The following HABP2 variants were observed in gnomAD, a reference collection of about 807,000 sequenced individuals.
The protein encoded by HABP2 is hyaluronan binding protein 2, also known as factor VII-activating protease.
In HABP2, 65 loss-of-function variants were observed where a neutral mutation model predicts 66.5. The observed-to-expected ratio is 0.98, with a 90% confidence interval of 0.80 to 1.20. The LOEUF (loss-of-function observed/expected upper bound fraction) is 1.20. Among genes scored for constraint, HABP2 ranks in the 50% most tolerant of loss-of-function variants. HABP2 has a pLI of 0.00. For synonymous variants in HABP2, 263 were observed against 253.9 expected, an observed-to-expected ratio of 1.04 and a Z score of -0.34; for missense variants, 786 against 691.0, an observed-to-expected ratio of 1.14 and a Z score of -1.54.
intron 3 of HABP2, 94 bp downstream of exon 3, chr10:113,574,499 C>T: frequency 1.4e-6 from 1 of 689,764 alleles, no homozygotes; most frequent in East Asian, 2.6e-5. Flanking sequence ...CTCCGCCTCT[C>T]TGGCCAGTAT....
chr10:113,586,465 T>TGC (rs1321584535), intron 12 of HABP2, among the ~76,000 whole-genome samples: 6 of 69,180 alleles, frequency 8.7e-5, no homozygotes, highest in African/African-American at 2.8e-4. Context: ...TGTGTGCGTG[T>TGC]GTGTGTGTGT....
intron 1 of HABP2, among the ~76,000 whole-genome samples, chr10:113,566,355 A>T (rs1845197744): frequency 6.6e-6 from 1 of 152,278 alleles, no homozygotes; most frequent in Non-Finnish European, 1.5e-5. Context: ...GCTTGGCCCA[A>T]GGGCCCTTAT....
At chr10:113,570,230 A>G (rs1845280294) in intron 2 of HABP2, 1 of 152,236 alleles carries the variant, frequency 6.6e-6, no homozygotes, top group Admixed American at 6.5e-5. Flanking sequence ...AATAATACCT[A>G]TGCTATAGGG....
intron 12 of HABP2, 129 bp downstream of exon 12, chr10:113,586,067 T>A: frequency 1.3e-6 from 1 of 795,438 alleles, no homozygotes; most frequent in Non-Finnish European, 2.1e-6. Flanking sequence ...AAGACACAGG[T>A]GAGCTGTGTC....
At chr10:113,560,599 G>A (rs1193397969) in intron 1 of HABP2, among the ~76,000 whole-genome samples, 1 of 152,198 alleles carries the variant, frequency 6.6e-6, no homozygotes, top group African/African-American at 2.4e-5. Flanking sequence ...ATTCACAATA[G>A]CCAAAAGGTG....
chr10:113,574,467 G>T, intron 3 of HABP2, 62 bp downstream of exon 3: 1 of 800,942 alleles, frequency 1.2e-6, no homozygotes, highest in Non-Finnish European at 2.2e-6. Flanking sequence ...GTGTATGTGG[G>T]ACCACATGCA....
intron 1 of HABP2, among the ~76,000 whole-genome samples, chr10:113,564,894 T>A (rs1010478550): frequency 2.6e-5 from 4 of 152,074 alleles, no homozygotes; most frequent in Admixed American, 6.5e-5. Context: ...TAGCCCAGGC[T>A]GGAGTGCAGT....
intron 7 of HABP2, 42 bp downstream of exon 7, chr10:113,578,840 T>C: frequency 1.5e-6 from 2 of 1,374,730 alleles, no homozygotes; most frequent in Non-Finnish European, 2.1e-6. Context: ...TTTGGTCACT[T>C]ATTTTAAAAC....
Position 113,578,676 on chromosome 10 carries a change from G to A in HABP2, c.618G>A (p.Met206Ile). The A allele has an allele frequency of 1.2e-6, 2 of 1,612,310 alleles. No individual in the cohort carries two copies. The highest frequency in any genetic ancestry group is 1.1e-5 in the South Asian group (1 of 90,996). ...VGDGYSYRGK[M>I]NRTVNQHACL... ...ATGGCTACTCTTACCGAGGGAAAAT[G>A]AATAGGACAGTCAACCAGCATGCGT... The change falls in exon 7 of 13, where the codon ATG becomes ATA. Residue 206 changes from methionine (M) to isoleucine (I), a missense_variant. Met to Ile is a conservative substitution (Grantham distance 10, BLOSUM62 1). Transcript: ENST00000351270.
Position 113,578,063 on chromosome 10 carries a change from G to T in HABP2, c.486G>T (p.Gly162=). 1 of 1,614,104 alleles carries T rather than the reference G, an allele frequency of 6.2e-7. No homozygotes were observed. Among genetic ancestry groups the T allele is most frequent in the Non-Finnish European group, 8.5e-7 (1 of 1,180,000 alleles). ...GCAGGCCAAACCCCTGCCAGAATGG[G>T]GCTACCTGCTCCCGGCATAAGCGGA... The part of the protein sequence containing the change: ...PVCRPNPCQN[G]ATCSRHKRRS... The change falls in exon 6 of 13, where the codon GGG becomes GGT. Residue 162 remains glycine (G), a synonymous_variant. Coordinates refer to ENST00000351270, the MANE Select transcript of HABP2 (RefSeq NM_004132.5).
chr10:113,573,830 A>C (rs1250592112), intron 2 of HABP2, among the ~76,000 whole-genome samples: 1 of 152,244 alleles, frequency 6.6e-6, no homozygotes, highest in Non-Finnish European at 1.5e-5. Flanking sequence ...ATGAAGTCCC[A>C]TCAAGAAATA....
In HABP2 at chr10:113,580,685, A is replaced by G. The variant is rs771695641; in HGVS notation, c.831A>G (p.Ser277=). Residue 277 remains serine (S), a synonymous_variant, in exon 8 of 13, where the codon TCA becomes TCG. Coordinates refer to ENST00000351270, the MANE Select transcript of HABP2 (RefSeq NM_004132.5). ...AATACTGTGATGTCTCAGCCTGCTCAGCCCAGGGTAAAGGCCATGGCTGTT... is the reference window on the plus strand; with the variant it reads ...AATACTGTGATGTCTCAGCCTGCTCGGCCCAGGGTAAAGGCCATGGCTGTT... ...KWEYCDVSAC[S]AQDVAYPEES... is the part of the protein sequence containing the mutation. 6.4e-7 allele frequency: 1 copy of G among 1,552,706 alleles called. No individual in the cohort carries two copies. The highest frequency in any genetic ancestry group is 2.2e-5 in the East Asian group (1 of 44,564).
At chr10:113,577,074 A>G in intron 4 of HABP2, 76 bp from the exon 5 acceptor site, 1 of 837,814 alleles carries the variant, frequency 1.2e-6, no homozygotes, top group Admixed American at 1.7e-5. Flanking sequence ...CCCCACCCTC[A>G]AACATTGTTT....
intron 7 of HABP2, among the ~76,000 whole-genome samples, chr10:113,579,572 G>A (rs879648129): frequency 1.3e-5 from 2 of 152,190 alleles, no homozygotes; most frequent in Non-Finnish European, 2.9e-5. Flanking sequence ...TTTCCCATGT[G>A]AGGCTAATGC....
intron 8 of HABP2, 28 bp downstream of exon 8, chr10:113,580,720 A>T: frequency 4.3e-6 from 5 of 1,167,218 alleles, no homozygotes; most frequent in Non-Finnish European, 6.5e-6. Flanking sequence ...TCAGAAGCCC[A>T]GGGGGTGGGG....
In HABP2 at chr10:113,578,670, G is replaced by T. The variant is rs751178357; in HGVS notation, c.612G>T (p.Gly204=). The T allele has an allele frequency of 6.2e-7, 1 of 1,612,832 alleles. No individual in the cohort carries two copies. Among genetic ancestry groups the T allele is most frequent in the South Asian group, 1.1e-5 (1 of 91,000 alleles). ...CYVGDGYSYR[G]KMNRTVNQHA... is the part of the protein sequence containing the mutation. ...TTGGCGATGGCTACTCTTACCGAGG[G>T]AAAATGAATAGGACAGTCAACCAGC... The change falls in exon 7 of 13, where the codon GGG becomes GGT. Residue 204 remains glycine, a synonymous_variant. Coordinates refer to ENST00000351270, the MANE Select transcript of HABP2 (RefSeq NM_004132.5).
At position 113,574,237 on chromosome 10, in the gene HABP2, C is replaced by T. The variant is rs11575743; in HGVS notation, c.107-52C>T. On this transcript the variant is annotated intron_variant, in intron 2 of 12. Coordinates refer to ENST00000351270, the MANE Select transcript of HABP2 (RefSeq NM_004132.5). ...GTGTCCAACTAAATAAAATGCTGGC[C>T]TATTTGAGTGTAATGATTAGGATTT... 82 of 895,632 alleles carry T rather than the reference C, an allele frequency of 9.2e-5. No individual in the cohort carries two copies. In the African/African-American group the frequency reaches 1.1e-3, roughly 12 times the overall value. 55.5% of individuals were successfully genotyped at this position (895,632 alleles called of 1,614,324 possible).
intron 12 of HABP2, among the ~76,000 whole-genome samples, chr10:113,587,089 C>T (rs1592703627): frequency 6.6e-6 from 1 of 152,188 alleles, no homozygotes; most frequent in African/African-American, 2.4e-5. Flanking sequence ...CTGAGGCGGG[C>T]AGATCACCTG....
At chr10:113,568,233 G>T (rs1183081857) in intron 2 of HABP2, among the ~76,000 whole-genome samples, 1 of 152,240 alleles carries the variant, frequency 6.6e-6, no homozygotes, top group African/African-American at 2.4e-5. Flanking sequence ...CTGAGCCGCA[G>T]TGGAGAAAAT....
Sources: gnomAD v4.1 joint callset for allele counts (sites outside exome capture counted in the v4.1 genomes callset) on GRCh38, gnomAD v4.1.1 for gene constraint, MANE v1.5 for transcripts, NCBI Gene and HGNC (gene_info 2026-07-23, HGNC 2026-07-21) for gene names.